Variants in PPP1R14A observed in about 807,000 individuals in gnomAD.
PPP1R14A encodes protein phosphatase 1 regulatory subunit 14A.
PPP1R14A carries 9 observed loss-of-function variants against 14.1 expected under a neutral mutation model. The ratio of observed to expected loss-of-function variants is 0.64; its 90% CI spans 0.38 to 1.11. PPP1R14A has a LOEUF of 1.11. Among genes scored for constraint, PPP1R14A ranks in the 50% most tolerant of loss-of-function variants. The pLI, the probability that PPP1R14A is intolerant of heterozygous loss-of-function variation, is 0.01. For synonymous variants in PPP1R14A, 93 were observed against 88.7 expected, an observed-to-expected ratio of 1.05 and a Z score of -0.27; for missense variants, 208 against 200.7, an observed-to-expected ratio of 1.04 and a Z score of -0.22.
chr19:38,252,252 C>G lies in PPP1R14A; in HGVS notation c.315+54G>C, dbSNP rs556241063. 5.1e-6 allele frequency: 8 copies of G among 1,575,776 alleles called. No individual in the cohort carries two copies. The African/African-American group carries it at 8.1e-5, about 16-fold the overall frequency. ...CTTCTGCCAGCTTCTTCCCCCTCCC[C>G]CATCAGAGTACTTGGGGCCAGAACA... On this transcript the variant is annotated intron_variant, in intron 3 of 3. Coordinates refer to ENST00000301242, the MANE Select transcript of PPP1R14A (RefSeq NM_033256.3). This position sits in a 1 kb window ranked among gnomAD's most constrained non-coding sequence, Gnocchi z 4.1.
At chr19:38,255,043 C>G (rs1968231543) in intron 1 of PPP1R14A, among the ~76,000 whole-genome samples, 2 of 152,160 alleles carry the variant, frequency 1.3e-5, no homozygotes, top group Non-Finnish European at 2.9e-5. Flanking sequence ...CTCGGCCTCC[C>G]AAAGTGCTGG....
At chr19:38,255,564 G>A (rs1479477048) in intron 1 of PPP1R14A, among the ~76,000 whole-genome samples, 2 of 151,908 alleles carry the variant, frequency 1.3e-5, no homozygotes, top group African/African-American at 4.8e-5. Context: ...TACGGCTGTG[G>A]CCCATGCCGC....
At position 38,252,444 on chromosome 19, in the gene PPP1R14A, G is replaced by A; in HGVS notation, c.283-106C>T. 3 of 1,150,746 alleles carry A rather than the reference G, an allele frequency of 2.6e-6. No homozygotes were observed. Among genetic ancestry groups the A allele is most frequent in the Non-Finnish European group, 3.8e-6 (3 of 787,000 alleles). The allele number at this position is 1,150,746 out of a possible 1,614,324, so 71.3% of individuals were successfully genotyped here. ...GGCCCCAGCAGCAAGACAAATGGAAGTCAGACTCCAGGGTGGACTGCCCAC... is the reference window on the plus strand; with the variant it reads ...GGCCCCAGCAGCAAGACAAATGGAAATCAGACTCCAGGGTGGACTGCCCAC... On this transcript the variant is annotated intron_variant, in intron 2 of 3. Coordinates refer to ENST00000301242, the MANE Select transcript of PPP1R14A (RefSeq NM_033256.3). The surrounding 1 kb of genome is among the most constrained non-coding windows in gnomAD (Gnocchi z 4.1).
Position 38,252,933 on chromosome 19 carries a change from C to A in PPP1R14A, c.243G>T (p.Leu81Phe). ...TTCTCTCCTCTTCACTCTCTAACTCCAACAATTCATCAATGTTGATCTCAT... is the reference window on the plus strand; with the variant it reads ...TTCTCTCCTCTTCACTCTCTAACTCAAACAATTCATCAATGTTGATCTCAT... ...MPDEINIDEL[L>F]ELESEEERSR... The change falls in exon 2 of 4, where the codon TTG (leucine) becomes TTT (phenylalanine). Residue 81 changes from leucine (L) to phenylalanine (F), a missense_variant. By Grantham distance (22) the Leu-to-Phe change is conservative. Transcript: ENST00000301242. This position sits in a 1 kb window ranked among gnomAD's most constrained non-coding sequence, Gnocchi z 4.1. 1.2e-6 allele frequency: 2 copies of A among 1,614,116 alleles called. No homozygotes were observed. Among genetic ancestry groups the A allele is most frequent in the Non-Finnish European group, 1.7e-6 (2 of 1,179,978 alleles).
In PPP1R14A at chr19:38,256,237, C is replaced by A; in HGVS notation, c.103G>T (p.Ala35Ser). 1 of 1,551,466 alleles carries A rather than the reference C, an allele frequency of 6.4e-7. No individual in the cohort carries two copies. Among genetic ancestry groups the A allele is most frequent in the Non-Finnish European group, 8.7e-7 (1 of 1,153,174 alleles). Residue 35 changes from alanine to serine, a missense_variant, in exon 1 of 4, where the codon GCG (alanine) becomes TCG (serine). Physicochemically the swap from Ala to Ser is moderately conservative, Grantham distance 99. Coordinates refer to ENST00000301242, the MANE Select transcript of PPP1R14A (RefSeq NM_033256.3). This position sits in a 1 kb window ranked among gnomAD's most constrained non-coding sequence, Gnocchi z 5.7. ...CGGTCATACTTGACGGTGACGCGCGCGTGCCGCTTCTGCAGCCCCCCGGGA... is the reference window on the plus strand; with the variant it reads ...CGGTCATACTTGACGGTGACGCGCGAGTGCCGCTTCTGCAGCCCCCCGGGA... Reference protein sequence around the residue: ...GSPGGLQKRHARVTVKYDRRE... With the variant: ...GSPGGLQKRHSRVTVKYDRRE...
At chr19:38,253,416 CAGGGGACAGGAAGGG>C (rs558636043) in intron 1 of PPP1R14A, among the ~76,000 whole-genome samples, 26 of 152,108 alleles carry the variant, frequency 1.7e-4, no homozygotes, top group Admixed American at 2.6e-4. Flanking sequence ...CCCCTTCCCC[CAGGGGACAGGAAGGG>C]AGGGGACAGG....
intron 1 of PPP1R14A, among the ~76,000 whole-genome samples, chr19:38,253,499 C>G (rs1362670715): frequency 1.3e-5 from 2 of 151,684 alleles, no homozygotes; most frequent in South Asian, 2.1e-4. Flanking sequence ...CTGGTGAGAC[C>G]GAAGGGAGGA....
chr19:38,251,557 GT>G, intron 3 of PPP1R14A, 111 bp from the exon 4 acceptor site: 1 of 829,954 alleles, frequency 1.2e-6, no homozygotes. Context: ...TGATTGTGGG[GT>G]GGGGGGAGTT....
At chr19:38,253,094 T>G in intron 1 of PPP1R14A, 120 bp from the exon 2 acceptor site, 2 of 740,212 alleles carry the variant, frequency 2.7e-6, no homozygotes, top group East Asian at 2.5e-5. Flanking sequence ...GGAGCATTAA[T>G]GTGGCAGTCC....
Position 38,256,006 on chromosome 19 carries a change from G to C in PPP1R14A, c.201+133C>G. On this transcript the variant is annotated intron_variant, in intron 1 of 3. Transcript: ENST00000301242. The surrounding 1 kb of genome is among the most constrained non-coding windows in gnomAD (Gnocchi z 5.7). ...GCCAGGCCAATGAGTGCCCGGCCCTGGGGCGCTCGTCCTCTTGTGCAGACC... is the reference window on the plus strand; with the variant it reads ...GCCAGGCCAATGAGTGCCCGGCCCTCGGGCGCTCGTCCTCTTGTGCAGACC... The C allele has an allele frequency of 1.3e-6, 1 of 793,258 alleles. No individual in the cohort carries two copies. Among genetic ancestry groups the C allele is most frequent in the Non-Finnish European group, 1.9e-6 (1 of 518,590 alleles). The allele number at this position is 793,258 out of a possible 1,614,324, so 49.1% of individuals were successfully genotyped here.
At chr19:38,253,205 C>A in intron 1 of PPP1R14A, 1 of 497,804 alleles carries the variant, frequency 2.0e-6, no homozygotes. Flanking sequence ...ATGCCTGGGC[C>A]CATGGGCCCC....
At chr19:38,251,866 A>G (rs1968194499) in intron 3 of PPP1R14A, 1 of 329,372 alleles carries the variant, frequency 3.0e-6, no homozygotes, top group South Asian at 6.1e-5. Context: ...CTAGTTGGAG[A>G]AACATGAATA....
Position 38,252,993 on chromosome 19 carries a change from G to A in PPP1R14A, c.202-19C>T, listed in dbSNP as rs747206689. ...CTGCCTCCTAGGGCCAGGGAGGGAG[G>A]GGTGCTTAGGATCCCCTTCCCTCCC... is the stretch of plus-strand genomic sequence containing the variant. On this transcript the variant is annotated intron_variant, in intron 1 of 3. Transcript: ENST00000301242. This position sits in a 1 kb window ranked among gnomAD's most constrained non-coding sequence, Gnocchi z 4.1. The A allele has an allele frequency of 1.9e-6, 3 of 1,595,140 alleles. No individual in the cohort carries two copies. The highest frequency in any genetic ancestry group is 1.1e-5 in the South Asian group (1 of 90,722).
intron 1 of PPP1R14A, chr19:38,253,175 C>T (rs546840097): frequency 1.2e-5 from 7 of 569,946 alleles, no homozygotes; most frequent in African/African-American, 1.9e-5. Flanking sequence ...GAGAGAGCCC[C>T]GGGGCCCTGT....
Position 38,251,323 on chromosome 19 carries a change from G to A in PPP1R14A, c.439C>T (p.Pro147Ser), listed in dbSNP as rs1054121789. The A allele has an allele frequency of 5.3e-6, 8 of 1,502,528 alleles. No individual in the cohort carries two copies. Among genetic ancestry groups the A allele is most frequent in the South Asian group, 1.4e-5 (1 of 73,290 alleles). 93.1% of individuals were successfully genotyped at this position (1,502,528 alleles called of 1,614,324 possible). The change falls in exon 4 of 4, where the codon CCC becomes TCC. Residue 147 changes from proline to serine, a missense_variant. Transcript: ENST00000301242. Reference protein sequence around the residue: ...PLQDRARTAHP With the variant: ...PLQDRARTAHS ...GCAGGGAGAGTGCAAGAGGGTCAGG[G>A]GTGAGCAGTCCGGGCCCGGTCCTGG...
intron 1 of PPP1R14A, 103 bp from the exon 2 acceptor site, chr19:38,253,077 G>C (rs911488449): frequency 1.2e-6 from 1 of 862,744 alleles, no homozygotes; most frequent in African/African-American, 1.7e-5. Context: ...CCCAGCTGGC[G>C]GGTTCTGGAG....
rs1968194404 is a variant in PPP1R14A at position 38,251,859 on chromosome 19, G to C, written c.316-413C>G. On this transcript the variant is annotated intron_variant, in intron 3 of 3. Transcript: ENST00000301242. ...GCAATGACGTTTGTCCCTAGAGCTA[G>C]TTGGAGAAACATGAATAGTTTTCCC... 3 of 334,458 alleles carry C rather than the reference G, an allele frequency of 9.0e-6. No individual in the cohort carries two copies. The East Asian group carries it at 1.7e-4, about 19-fold the overall frequency. 20.7% of individuals were successfully genotyped at this position (334,458 alleles called of 1,614,324 possible).
chr19:38,256,262 A>G lies in PPP1R14A; in HGVS notation c.78T>C (p.Ser26=), dbSNP rs772876055. 3.2e-6 allele frequency: 5 copies of G among 1,547,692 alleles called. No homozygotes were observed. The highest frequency in any genetic ancestry group is 4.3e-6 in the Non-Finnish European group (5 of 1,152,272). The change falls in exon 1 of 4, where the codon AGT becomes AGC. Residue 26 remains serine (S), a synonymous_variant. Transcript: ENST00000301242. The surrounding 1 kb of genome is among the most constrained non-coding windows in gnomAD (Gnocchi z 5.7). The part of the protein sequence containing the change: ...SPSRARGPGG[S]PGGLQKRHAR... ...CGTGCCGCTTCTGCAGCCCCCCGGG[A>G]CTGCCCCCTGGCCCGCGGGCCCGCG...
chr19:38,255,631 CA>C lies in PPP1R14A; in HGVS notation c.201+507del, dbSNP rs758412880. Among the ~76,000 whole-genome samples, 557 of 140,868 alleles carry C rather than the reference CA, an allele frequency of 4.0e-3. 16 individuals carry two copies. The highest frequency in any genetic ancestry group is 9.6e-3 in the African/African-American group (383 of 39,914). 92.4% of individuals were successfully genotyped at this position (140,868 alleles called of 152,430 possible). A position where few individuals can be genotyped will look rare whatever the true frequency, so the allele number is the denominator to read the frequency against. On this transcript the variant is annotated intron_variant, in intron 1 of 3. Coordinates refer to ENST00000301242, the MANE Select transcript of PPP1R14A (RefSeq NM_033256.3). ...TGTTGAACTGTAGGTGACCCCCCCC[CA>C]GCCCCCGCTTGTGTCCTTGTGGGTT...
Sources: gnomAD v4.1 joint callset for allele counts (sites outside exome capture counted in the v4.1 genomes callset) on GRCh38, gnomAD v4.1.1 for gene constraint, Gnocchi (gnomAD v3.1) non-coding constraint, MANE v1.5 for transcripts, NCBI Gene and HGNC (gene_info 2026-07-23, HGNC 2026-07-21) for gene names.